The following MEMO1 variants were observed in gnomAD, a reference collection of about 807,000 sequenced individuals.
MEMO1 encodes protein MEMO1.
MEMO1 carries 6 observed loss-of-function variants against 45.2 expected under a neutral mutation model. The ratio of observed to expected loss-of-function variants is 0.13; its 90% CI spans 0.07 to 0.26. The LOEUF is 0.26. Ranked by LOEUF, MEMO1 falls within the 10% of genes least tolerant of loss-of-function variation. The probability of loss-of-function intolerance (pLI) is 1.00; values close to 1 mark genes in which losing one functional copy is unlikely to be tolerated. For synonymous variants in MEMO1, 78 were observed against 124.3 expected (o/e 0.63, Z 2.48); for missense variants, 184 against 370.5 (o/e 0.50, Z 4.13).
chr2:31,990,760 G>C (rs1393179159), intron 2 of MEMO1, among the ~76,000 whole-genome samples: 1 of 151,820 alleles, frequency 6.6e-6, no homozygotes, highest in South Asian at 2.1e-4. Flanking sequence ...TTGATATCTA[G>C]TGATATACAT....
intron 8 of MEMO1, among the ~76,000 whole-genome samples, chr2:31,881,017 C>A (rs1231318458): frequency 2.0e-5 from 3 of 150,936 alleles, no homozygotes; most frequent in African/African-American, 7.3e-5. Context: ...GAGGGAGACA[C>A]TGTCTCACAA....
chr2:31,976,758 C>G (rs549045955), intron 2 of MEMO1, among the ~76,000 whole-genome samples: 1 of 151,756 alleles, frequency 6.6e-6, no homozygotes, highest in African/African-American at 2.4e-5. Context: ...CTTTCATTTC[C>G]TGATGAAATT....
chr2:31,870,000 C>T, intron 8 of MEMO1, 48 bp from the exon 9 acceptor site: 1 of 1,279,848 alleles, frequency 7.8e-7, no homozygotes, highest in South Asian at 1.8e-5. Context: ...AAGAAGAAGA[C>T]AATATTTATT....
At chr2:31,932,040 G>A (rs763592061) in intron 4 of MEMO1, 27 bp downstream of exon 4, 9 of 1,593,218 alleles carry the variant, frequency 5.6e-6, no homozygotes, top group Admixed American at 3.4e-5. Flanking sequence ...AAGCTTCTCC[G>A]ACTTAAAACA....
rs72859053 is a variant in MEMO1, at chr2:31,874,824, A to T, written c.658-4872T>A. Among the ~76,000 whole-genome samples the T allele has an allele frequency of 2.9e-3, 440 of 152,028 alleles. 4 individuals carry two copies. Among genetic ancestry groups the T allele is most frequent in the African/African-American group, 0.01 (416 of 41,566 alleles). ...ATTTAAATTATTTATAATATAAAAT[A>T]ATCTCTTAGAAAATAAATATGCAAA... On this transcript the variant is annotated intron_variant, in intron 8 of 9. Coordinates refer to ENST00000404530, the MANE Select transcript of MEMO1 (RefSeq NM_001301833.4).
intron 2 of MEMO1, among the ~76,000 whole-genome samples, chr2:31,944,830 CT>C (rs1461739058): frequency 6.6e-6 from 1 of 152,042 alleles, no homozygotes; most frequent in Non-Finnish European, 1.5e-5. Flanking sequence ...TCCATTCTTT[CT>C]TTTAAAACTT....
At chr2:31,903,171 T>C (rs1679121840) in intron 6 of MEMO1, among the ~76,000 whole-genome samples, 1 of 152,192 alleles carries the variant, frequency 6.6e-6, no homozygotes, top group Non-Finnish European at 1.5e-5. Flanking sequence ...TTCTCCTCTG[T>C]ATAACATTGA....
chr2:31,899,827 A>G (rs1005333388), intron 6 of MEMO1, among the ~76,000 whole-genome samples: 2 of 152,260 alleles, frequency 1.3e-5, no homozygotes, highest in Non-Finnish European at 2.9e-5. Flanking sequence ...GAACTTAAAC[A>G]AATTTACAAG....
intron 6 of MEMO1, among the ~76,000 whole-genome samples, chr2:31,912,975 T>G (rs1259548941): frequency 6.6e-6 from 1 of 152,196 alleles, no homozygotes; most frequent in Non-Finnish European, 1.5e-5. Flanking sequence ...GAATACAATT[T>G]TTAAATCTAT....
intron 2 of MEMO1, among the ~76,000 whole-genome samples, chr2:32,002,659 T>C (rs1572953458): frequency 6.6e-6 from 1 of 152,132 alleles, no homozygotes; most frequent in Non-Finnish European, 1.5e-5. Context: ...ATGGAGATAA[T>C]ACCTACCTTG....
intron 2 of MEMO1, among the ~76,000 whole-genome samples, chr2:31,968,319 CAACT>C (rs1333922118): frequency 1.3e-5 from 2 of 152,206 alleles, no homozygotes; most frequent in Non-Finnish European, 2.9e-5. Flanking sequence ...CTTCTGGCTT[CAACT>C]AACACCAAGG....
chr2:31,978,412 T>G (rs1338224779), intron 2 of MEMO1, among the ~76,000 whole-genome samples: 1 of 152,022 alleles, frequency 6.6e-6, no homozygotes, highest in Admixed American at 6.6e-5. Context: ...AAAAGAGAAA[T>G]GCAAGTGCAA....
intron 2 of MEMO1, among the ~76,000 whole-genome samples, chr2:31,988,907 T>C (rs533976910): frequency 3.9e-5 from 6 of 152,038 alleles, no homozygotes; most frequent in African/African-American, 1.4e-4. Flanking sequence ...GTTATTTCCT[T>C]GAAAATGAAT....
At chr2:32,004,745 G>A (rs993971380) in intron 2 of MEMO1, among the ~76,000 whole-genome samples, 3 of 151,988 alleles carry the variant, frequency 2.0e-5, no homozygotes, top group African/African-American at 7.3e-5. Flanking sequence ...TGGACAACAT[G>A]GTGAAACCCC....
chr2:31,923,293 C>G (rs539375470), intron 4 of MEMO1, among the ~76,000 whole-genome samples: 1 of 152,156 alleles, frequency 6.6e-6, no homozygotes, highest in African/African-American at 2.4e-5. Context: ...CTGTTCATGT[C>G]CTTTGCCCTC....
At chr2:31,990,821 T>C (rs1572911367) in intron 2 of MEMO1, among the ~76,000 whole-genome samples, 1 of 152,142 alleles carries the variant, frequency 6.6e-6, no homozygotes, top group Non-Finnish European at 1.5e-5. Context: ...TTGAAGGCTA[T>C]AAAGAGATTC....
chr2:31,931,445 A>C (rs1460042535), intron 4 of MEMO1, among the ~76,000 whole-genome samples: 1 of 152,214 alleles, frequency 6.6e-6, no homozygotes, highest in Non-Finnish European at 1.5e-5. Context: ...CTAGTAAATT[A>C]ACTGTGTAAA....
intron 2 of MEMO1, among the ~76,000 whole-genome samples, chr2:31,970,951 C>A (rs1669323919): frequency 6.6e-6 from 1 of 152,160 alleles, no homozygotes; most frequent in African/African-American, 2.4e-5. Flanking sequence ...TTGCAGTGAG[C>A]CAAGATCACA....
intron 2 of MEMO1, among the ~76,000 whole-genome samples, chr2:32,007,552 T>C (rs965699637): frequency 2.0e-5 from 3 of 152,346 alleles, no homozygotes; most frequent in Admixed American, 6.5e-5. Flanking sequence ...ACACACACTT[T>C]TTTTCTGAAA....
Sources: gnomAD v4.1 joint callset for allele counts (sites outside exome capture counted in the v4.1 genomes callset) on GRCh38, gnomAD v4.1.1 for gene constraint, MANE v1.5 for transcripts, NCBI Gene and HGNC (gene_info 2026-07-23, HGNC 2026-07-21) for gene names.